Variants in GPATCH2 observed in about 807,000 individuals in gnomAD.
The protein encoded by GPATCH2 is G-patch domain containing 2.
GPATCH2 carries 51 observed loss-of-function variants against 58.0 expected under a neutral mutation model. That is an observed-to-expected ratio of 0.88 (90% CI 0.70 to 1.11). The LOEUF (loss-of-function observed/expected upper bound fraction) is 1.11, where lower values mean the gene tolerates loss of function less well. Among genes scored for constraint, GPATCH2 ranks in the 50% most tolerant of loss-of-function variants. The pLI is 0.00. For missense variants in GPATCH2, 625 were observed against 652.2 expected, an observed-to-expected ratio of 0.96 and a Z score of 0.45; for synonymous variants, 222 against 218.5, an observed-to-expected ratio of 1.02 and a Z score of -0.14.
intron 1 of GPATCH2, among the ~76,000 whole-genome samples, chr1:217,623,107 C>T (rs900495855): frequency 1.3e-5 from 2 of 151,990 alleles, no homozygotes; most frequent in African/African-American, 4.8e-5. Context: ...CCTTAAAAAA[C>T]ATTCACTTGA....
At chr1:217,529,212 TA>T (rs1306907392) in intron 5 of GPATCH2, among the ~76,000 whole-genome samples, 3 of 152,174 alleles carry the variant, frequency 2.0e-5, no homozygotes, top group Non-Finnish European at 2.9e-5. Flanking sequence ...TATACAGAGA[TA>T]ACTGTAACTG....
chr1:217,576,636 T>A (rs543297398), intron 5 of GPATCH2, among the ~76,000 whole-genome samples: 6 of 152,188 alleles, frequency 3.9e-5, no homozygotes, highest in Admixed American at 3.9e-4. Flanking sequence ...CACATACAAG[T>A]GAAAAAGATT....
intron 8 of GPATCH2, among the ~76,000 whole-genome samples, chr1:217,489,787 G>A (rs1186122308): frequency 2.0e-5 from 3 of 152,320 alleles, no homozygotes; most frequent in East Asian, 3.9e-4. Flanking sequence ...GCTTGAACCC[G>A]AGAGGCGGAG....
At chr1:217,471,318 G>A (rs1406992616) in intron 8 of GPATCH2, among the ~76,000 whole-genome samples, 7 of 151,978 alleles carry the variant, frequency 4.6e-5, no homozygotes, top group Admixed American at 6.6e-5. Flanking sequence ...GTCATTAAGC[G>A]GTACTCTAAT....
In GPATCH2 at chr1:217,427,296, G is replaced by A. The variant is rs544575359; in HGVS notation, c.*3849C>T. 2.0e-5 allele frequency: 3 copies of A among 152,224 alleles called. No homozygotes were observed. The highest frequency in any genetic ancestry group is 6.5e-5 in the Admixed American group (1 of 15,278). 9.4% of individuals were successfully genotyped at this position (152,224 alleles called of 1,614,324 possible). On this transcript the variant is annotated 3_prime_UTR_variant, in exon 10 of 10. Transcript: ENST00000366935. Reference sequence around the variant, plus strand: ...AATAAAAACAGGAAAATGTGGTAGAGCAGCTCACAATCGGCTATGAATACA... The same window carrying A: ...AATAAAAACAGGAAAATGTGGTAGAACAGCTCACAATCGGCTATGAATACA...
Position 217,611,081 on chromosome 1 carries a change from T to C in GPATCH2, c.836-10A>G, listed in dbSNP as rs182340349. The C allele has an allele frequency of 9.4e-6, 15 of 1,603,092 alleles. No homozygotes were observed. The African/African-American group carries it at 1.3e-4, about 14-fold the overall frequency. ...CTCTGTTCATCATCACCTGTGCAAATACAAGAAACCCCCCCCCACCAAAGA... is the reference window on the plus strand; with the variant it reads ...CTCTGTTCATCATCACCTGTGCAAACACAAGAAACCCCCCCCCACCAAAGA... On this transcript the variant is annotated splice_polypyrimidine_tract_variant and intron_variant, in intron 3 of 9. Transcript: ENST00000366935.
chr1:217,483,954 A>G (rs11806516), intron 8 of GPATCH2, among the ~76,000 whole-genome samples: 20,241 of 152,230 alleles, frequency 0.13, 2,603 homozygotes, highest in African/African-American at 0.34. Context: ...TTTGAAGAAC[A>G]TAAGTTTTAA....
intron 3 of GPATCH2, among the ~76,000 whole-genome samples, chr1:217,612,640 C>A (rs1455691732): frequency 1.3e-5 from 2 of 152,082 alleles, no homozygotes; most frequent in Non-Finnish European, 2.9e-5. Context: ...AAAAACAGGG[C>A]CTCACTTGAA....
chr1:217,614,816 G>A (rs889734688), intron 2 of GPATCH2, among the ~76,000 whole-genome samples: 1 of 150,786 alleles, frequency 6.6e-6, no homozygotes, highest in African/African-American at 2.4e-5. Context: ...TAAGGAGGGA[G>A]TGTGTACATA....
intron 5 of GPATCH2, chr1:217,608,974 G>A: frequency 1.0e-6 from 1 of 983,508 alleles, no homozygotes; most frequent in Non-Finnish European, 1.2e-6. Context: ...AAAACTTTAG[G>A]TAAAAGCAAT....
chr1:217,544,653 C>A (rs1664939428), intron 5 of GPATCH2, among the ~76,000 whole-genome samples: 1 of 152,166 alleles, frequency 6.6e-6, no homozygotes, highest in Admixed American at 6.5e-5. Context: ...AATGTATGTG[C>A]AAGTGGGCAA....
chr1:217,518,019 T>C (rs1195259348), intron 5 of GPATCH2, among the ~76,000 whole-genome samples: 1 of 152,136 alleles, frequency 6.6e-6, no homozygotes, highest in Admixed American at 6.5e-5. Context: ...TTACACGCCC[T>C]GAATTCTTAT....
At chr1:217,604,108 T>C (rs1030462473) in intron 5 of GPATCH2, among the ~76,000 whole-genome samples, 8 of 151,680 alleles carry the variant, frequency 5.3e-5, no homozygotes, top group African/African-American at 1.5e-4. Context: ...CCTAGTACTT[T>C]GGGAGGGCGA....
At chr1:217,553,117 T>C (rs1436237755) in intron 5 of GPATCH2, among the ~76,000 whole-genome samples, 3 of 152,056 alleles carry the variant, frequency 2.0e-5, no homozygotes, top group African/African-American at 4.8e-5. Context: ...AAAATAGTTA[T>C]ACGATCATTT....
At chr1:217,594,870 T>A (rs112590801) in intron 5 of GPATCH2, among the ~76,000 whole-genome samples, 2 of 152,178 alleles carry the variant, frequency 1.3e-5, no homozygotes, top group East Asian at 3.8e-4. Flanking sequence ...AGTGCTACAC[T>A]GTGGAGCTGG....
chr1:217,445,747 T>C (rs578262335), intron 9 of GPATCH2, among the ~76,000 whole-genome samples: 2 of 152,206 alleles, frequency 1.3e-5, no homozygotes, highest in African/African-American at 4.8e-5. Flanking sequence ...TGAAATAAAT[T>C]TGGTGTTCCT....
At chr1:217,594,048 G>A (rs531293161) in intron 5 of GPATCH2, among the ~76,000 whole-genome samples, 66 of 152,140 alleles carry the variant, frequency 4.3e-4, no homozygotes, top group African/African-American at 1.4e-3. Context: ...ACTGTTACAA[G>A]TATTAGAATA....
At chr1:217,548,325 GATGATGAAATA>G (rs1170757404) in intron 5 of GPATCH2, among the ~76,000 whole-genome samples, 1 of 152,066 alleles carries the variant, frequency 6.6e-6, no homozygotes, top group Non-Finnish European at 1.5e-5. Context: ...GTAATACCTG[GATGATGAAATA>G]ATCTATACGA....
At chr1:217,574,656 T>C (rs1666726317) in intron 5 of GPATCH2, among the ~76,000 whole-genome samples, 1 of 152,212 alleles carries the variant, frequency 6.6e-6, no homozygotes, top group African/African-American at 2.4e-5. Context: ...ACATATGTTA[T>C]ATTCATTAAA....
Sources: gnomAD v4.1 joint callset for allele counts (sites outside exome capture counted in the v4.1 genomes callset) on GRCh38, gnomAD v4.1.1 for gene constraint, MANE v1.5 for transcripts, NCBI Gene and HGNC (gene_info 2026-07-23, HGNC 2026-07-21) for gene names.